The following KIAA0513 variants were observed in gnomAD, a reference collection of about 807,000 sequenced individuals.
KIAA0513 encodes KIAA0513.
Under a neutral mutation model 56.5 loss-of-function variants are expected in KIAA0513, and 39 were observed. The ratio of observed to expected loss-of-function variants is 0.69; its 90% CI spans 0.53 to 0.90. KIAA0513 has a LOEUF of 0.90. KIAA0513 is among the 40% of genes least tolerant of loss of function. The probability of loss-of-function intolerance (pLI) is 0.00; values close to 1 mark genes in which losing one functional copy is unlikely to be tolerated. For missense variants in KIAA0513, 591 were observed against 535.2 expected (o/e 1.10, Z -1.03); for synonymous variants, 268 against 215.6 (o/e 1.24, Z -2.13).
At position 85,088,495 on chromosome 16, in the gene KIAA0513, C is replaced by G. The variant is rs2073835040; in HGVS notation, c.*170C>G. The G allele has an allele frequency of 1.6e-6, 1 of 610,062 alleles. No homozygotes were observed. Among genetic ancestry groups the G allele is most frequent in the Non-Finnish European group, 2.9e-6 (1 of 341,752 alleles). The allele number at this position is 610,062 out of a possible 1,614,324, so 37.8% of individuals were successfully genotyped here. A position where few individuals can be genotyped will look rare whatever the true frequency, so the allele number is the denominator to read the frequency against. Reference sequence around the variant, plus strand: ...AGAATCCGCTGTTCCTCCCTCATCTCCTCTGCCTGTGTCTGCGACCCCCAT... The same window carrying G: ...AGAATCCGCTGTTCCTCCCTCATCTGCTCTGCCTGTGTCTGCGACCCCCAT... On this transcript the variant is annotated 3_prime_UTR_variant, in exon 13 of 13. Transcript: ENST00000683363.
At position 85,089,072 on chromosome 16, in the gene KIAA0513, AC is replaced by A. The variant is rs1259722060; in HGVS notation, c.*749del. On this transcript the variant is annotated 3_prime_UTR_variant, in exon 13 of 13. Transcript: ENST00000683363. The surrounding 1 kb of genome is among the most constrained non-coding windows in gnomAD (Gnocchi z 4.2). ...GAGGTGTCCGCGGCAGACCACACAGACCGTCTGAAATGCGCCCGCCTGGCGG... is the reference window on the plus strand; with the variant it reads ...GAGGTGTCCGCGGCAGACCACACAGACGTCTGAAATGCGCCCGCCTGGCGG... 1.3e-5 allele frequency: 2 copies of A among 152,246 alleles called. No homozygotes were observed. Among genetic ancestry groups the A allele is most frequent in the Non-Finnish European group, 2.9e-5 (2 of 68,050 alleles). 9.4% of individuals were successfully genotyped at this position (152,246 alleles called of 1,614,324 possible).
Position 85,067,345 on chromosome 16 carries a change from A to T in KIAA0513, c.274A>T (p.Thr92Ser). ...QSTESTQDEE[T>S]LALRDFMRGY... ...CACCGAGTCTACCCAGGATGAAGAG[A>T]CCCTGGCACTCAGGGACTTCATGCG... Residue 92 changes from threonine (T) to serine (S), a missense_variant, in exon 2 of 13, where the codon ACC becomes TCC. Thr to Ser is a moderately conservative substitution (Grantham distance 58). Coordinates refer to ENST00000683363, the MANE Select transcript of KIAA0513 (RefSeq NM_001388359.1). 1.2e-6 allele frequency: 2 copies of T among 1,610,496 alleles called. No individual in the cohort carries two copies. The highest frequency in any genetic ancestry group is 1.1e-5 in the South Asian group (1 of 91,068).
intron 1 of KIAA0513, among the ~76,000 whole-genome samples, chr16:85,039,085 C>G (rs1195326733): frequency 6.6e-6 from 1 of 152,218 alleles, no homozygotes; most frequent in Non-Finnish European, 1.5e-5. Flanking sequence ...CGGAGCAATG[C>G]CTGGTGCACT....
chr16:85,077,347 G>A, intron 5 of KIAA0513, 78 bp from the exon 6 acceptor site: 1 of 1,370,892 alleles, frequency 7.3e-7, no homozygotes, highest in Non-Finnish European at 1.0e-6. Flanking sequence ...CCCCTGCGGG[G>A]CTCCCTCTGG....
At chr16:85,082,693 G>T in intron 10 of KIAA0513, 100 bp downstream of exon 10, 1 of 1,289,394 alleles carries the variant, frequency 7.8e-7, no homozygotes, top group Non-Finnish European at 1.1e-6. Flanking sequence ...TGCTGCAGCA[G>T]GCACAGCCCA....
At position 85,076,446 on chromosome 16, in the gene KIAA0513, T is replaced by C. The variant is rs907488708; in HGVS notation, c.574+532T>C. 1.3e-5 allele frequency among the ~76,000 whole-genome samples: 2 copies of C among 152,272 alleles called. No homozygotes were observed. The highest frequency in any genetic ancestry group is 4.8e-5 in the African/African-American group (2 of 41,544). Reference sequence around the variant, plus strand: ...ATTGCGTTGGCACTTTCTCGTATGTTGGAGCTCAAGGGCTTCCTGCGTGAG... The same window carrying C: ...ATTGCGTTGGCACTTTCTCGTATGTCGGAGCTCAAGGGCTTCCTGCGTGAG... On this transcript the variant is annotated intron_variant, in intron 5 of 12. Coordinates refer to ENST00000683363, the MANE Select transcript of KIAA0513 (RefSeq NM_001388359.1). This position sits in a 1 kb window ranked among gnomAD's most constrained non-coding sequence, Gnocchi z 4.7.
Position 85,073,948 on chromosome 16 carries a change from GT to G in KIAA0513, c.503+958del, listed in dbSNP as rs3030092. ...CAAAAGAAAGCTGCTCTCTTGTGTC[GT>G]TTTTTTTGTTTTGTTTTGTTTTTGT... On this transcript the variant is annotated intron_variant, in intron 4 of 12. Coordinates refer to ENST00000683363, the MANE Select transcript of KIAA0513 (RefSeq NM_001388359.1). Among the ~76,000 whole-genome samples, 13 of 151,448 alleles carry G rather than the reference GT, an allele frequency of 8.6e-5. No individual in the cohort carries two copies. The East Asian group carries it at 1.6e-3, about 18-fold the overall frequency.
chr16:85,057,703 A>G (rs1567531350), intron 1 of KIAA0513, among the ~76,000 whole-genome samples: 1 of 151,864 alleles, frequency 6.6e-6, no homozygotes, highest in Non-Finnish European at 1.5e-5. Context: ...AGCCAGAGCT[A>G]GCCCGTATGC....
rs943343068 is a variant in KIAA0513 at position 85,093,788 on chromosome 16, C to T, written c.*5463C>T. ...GACACGTGGAGAAAGAGAAGGCAAA[C>T]GTTGGAACACTAGGAAAAGCTAGAA... On this transcript the variant is annotated 3_prime_UTR_variant, in exon 13 of 13. Coordinates refer to ENST00000683363, the MANE Select transcript of KIAA0513 (RefSeq NM_001388359.1). 7.9e-5 allele frequency: 12 copies of T among 152,372 alleles called. No homozygotes were observed. Among genetic ancestry groups the T allele is most frequent in the African/African-American group, 1.7e-4 (7 of 41,546 alleles). 9.4% of individuals were successfully genotyped at this position (152,372 alleles called of 1,614,324 possible). A position where few individuals can be genotyped will look rare whatever the true frequency, so the allele number is the denominator to read the frequency against.
chr16:85,053,053 A>T (rs62049870), intron 1 of KIAA0513, among the ~76,000 whole-genome samples: 1,642 of 151,956 alleles, frequency 0.011, 29 homozygotes, highest in African/African-American at 0.032. Context: ...ACACCCAGCG[A>T]ATTTTTGTAG....
At chr16:85,067,823 T>C (rs568534892) in intron 2 of KIAA0513, among the ~76,000 whole-genome samples, 1 of 152,196 alleles carries the variant, frequency 6.6e-6, no homozygotes, top group African/African-American at 2.4e-5. Flanking sequence ...TTTTTTTTCT[T>C]TTTTTGAGAC....
rs139593689 is a variant in KIAA0513 at position 85,042,985 on chromosome 16, C to A, written c.-173+15127C>A. 2.7e-3 allele frequency among the ~76,000 whole-genome samples: 416 copies of A among 152,288 alleles called. 4 individuals carry two copies. The highest frequency in any genetic ancestry group is 8.8e-3 in the African/African-American group (367 of 41,562). On this transcript the variant is annotated intron_variant, in intron 1 of 12. Coordinates refer to ENST00000683363, the MANE Select transcript of KIAA0513 (RefSeq NM_001388359.1). ...AAAACTGTGATTGTATATAACTTCT[C>A]TAACGGGTGGAATAAACATCTTTAT...
In KIAA0513 at chr16:85,050,813, C is replaced by T. The variant is rs954136374; in HGVS notation, c.-172-16087C>T. On this transcript the variant is annotated intron_variant, in intron 1 of 12. Transcript: ENST00000683363. Reference sequence around the variant, plus strand: ...GGAATGTATCCCCTGCACTGCCTGCCGTGTGCCCAGCACTTAGCACAGAGC... The same window carrying T: ...GGAATGTATCCCCTGCACTGCCTGCTGTGTGCCCAGCACTTAGCACAGAGC... Among the ~76,000 whole-genome samples, 4 of 152,142 alleles carry T rather than the reference C, an allele frequency of 2.6e-5. No individual in the cohort carries two copies. The East Asian group carries it at 5.8e-4, about 22-fold the overall frequency.
At chr16:85,052,156 C>G (rs1240213775) in intron 1 of KIAA0513, among the ~76,000 whole-genome samples, 1 of 152,008 alleles carries the variant, frequency 6.6e-6, no homozygotes, top group East Asian at 1.9e-4. Flanking sequence ...CCCGTCTCTA[C>G]TAAAAATACA....
At chr16:85,028,776 G>A (rs1366861416) in intron 1 of KIAA0513, among the ~76,000 whole-genome samples, 1 of 152,180 alleles carries the variant, frequency 6.6e-6, no homozygotes, top group East Asian at 1.9e-4. Flanking sequence ...CCAGCCTCCA[G>A]ATTGAGCAGG....
At chr16:85,050,253 G>T (rs184716256) in intron 1 of KIAA0513, among the ~76,000 whole-genome samples, 28 of 152,220 alleles carry the variant, frequency 1.8e-4, no homozygotes, top group African/African-American at 6.3e-4. Context: ...GGTGACTTGA[G>T]TTGGGACTTA....
intron 10 of KIAA0513, among the ~76,000 whole-genome samples, chr16:85,083,892 A>G (rs1167522638): frequency 6.6e-6 from 1 of 152,116 alleles, no homozygotes; most frequent in East Asian, 1.9e-4. Context: ...AGATGCCATT[A>G]TCATCCTCTC....
chr16:85,077,728 C>A, intron 6 of KIAA0513, 96 bp downstream of exon 6: 1 of 896,058 alleles, frequency 1.1e-6, no homozygotes, highest in Non-Finnish European at 1.7e-6. Context: ...GCGGGTGAGG[C>A]CCAGAGACTG....
chr16:85,056,562 A>G (rs1201811528), intron 1 of KIAA0513, among the ~76,000 whole-genome samples: 5 of 152,140 alleles, frequency 3.3e-5, no homozygotes, highest in Non-Finnish European at 4.4e-5. Context: ...CTTCCAAGAC[A>G]CAGTTCCCCA....
Sources: allele counts gnomAD v4.1 joint callset (sites outside exome capture counted in the v4.1 genomes callset), GRCh38; gene constraint gnomAD v4.1.1; non-coding constraint Gnocchi (gnomAD v3.1); transcripts MANE v1.5; gene names NCBI Gene and HGNC (gene_info 2026-07-23, HGNC 2026-07-21).